Variants in CNBD1 observed in about 807,000 individuals in gnomAD.
The protein encoded by CNBD1 is cyclic nucleotide-binding domain-containing protein 1.
Under a neutral mutation model 54.4 loss-of-function variants are expected in CNBD1, and 71 were observed. The ratio of observed to expected loss-of-function variants is 1.30; its 90% CI spans 1.08 to 1.59. The LOEUF (loss-of-function observed/expected upper bound fraction) is 1.59. Ranked by LOEUF, CNBD1 falls within the 40% of genes most tolerant of loss-of-function variation. CNBD1 has a pLI of 0.00. For missense variants in CNBD1, 659 were observed against 518.0 expected (o/e 1.27, Z -2.64); for synonymous variants, 182 against 170.7 (o/e 1.07, Z -0.51).
intron 4 of CNBD1, among the ~76,000 whole-genome samples, chr8:87,082,568 T>C (rs1483017275): frequency 6.6e-6 from 1 of 152,240 alleles, no homozygotes; most frequent in Non-Finnish European, 1.5e-5. Flanking sequence ...TTGAATGGTA[T>C]AGTTTTTTTC....
intron 10 of CNBD1, among the ~76,000 whole-genome samples, chr8:87,370,874 G>C (rs1402530281): frequency 6.6e-6 from 1 of 150,958 alleles, no homozygotes; most frequent in Non-Finnish European, 1.5e-5. Flanking sequence ...TAACGTTTAA[G>C]TCTTTAGTCC....
At chr8:86,868,580 C>T (rs902236439) in intron 1 of CNBD1, among the ~76,000 whole-genome samples, 2 of 151,908 alleles carry the variant, frequency 1.3e-5, no homozygotes, top group African/African-American at 4.8e-5. Context: ...ATCTGCCCCC[C>T]TCAGCCTCCC....
intron 4 of CNBD1, among the ~76,000 whole-genome samples, chr8:87,158,203 A>C (rs1014815922): frequency 8.5e-5 from 13 of 152,108 alleles, no homozygotes; most frequent in Middle Eastern, 3.2e-3. Flanking sequence ...CTCCATACCT[A>C]GCAGCTATGA....
chr8:86,889,128 C>T (rs4291285), intron 2 of CNBD1, among the ~76,000 whole-genome samples: 70,369 of 151,772 alleles, frequency 0.46, 16,511 homozygotes, highest in South Asian at 0.55. Context: ...TTTTGGAGCA[C>T]TGGTACACAC....
intron 5 of CNBD1, among the ~76,000 whole-genome samples, chr8:87,222,242 A>G (rs2130809928): frequency 6.6e-6 from 1 of 152,286 alleles, no homozygotes; most frequent in South Asian, 2.1e-4. Context: ...ATCTTCAAAT[A>G]TTTTATAAAA....
intron 2 of CNBD1, among the ~76,000 whole-genome samples, chr8:86,892,006 T>TA (rs1040915801): frequency 3.3e-5 from 5 of 151,996 alleles, no homozygotes; most frequent in Non-Finnish European, 7.4e-5. Context: ...TGTCTGCAAA[T>TA]AGAGAGTTTC....
intron 2 of CNBD1, among the ~76,000 whole-genome samples, chr8:86,892,264 C>T (rs1038618301): frequency 1.5e-4 from 23 of 151,924 alleles, no homozygotes; most frequent in African/African-American, 5.3e-4. Context: ...TAACAAAGGT[C>T]AAATACTTAT....
intron 4 of CNBD1, among the ~76,000 whole-genome samples, chr8:87,028,861 A>G (rs1337784604): frequency 2.0e-5 from 3 of 152,232 alleles, no homozygotes; most frequent in Non-Finnish European, 2.9e-5. Context: ...CTGTTTATAT[A>G]CAAAAACCAT....
At chr8:87,424,837 C>A (rs1445142757) in intron 2 of CNBD1, among the ~76,000 whole-genome samples, 1 of 152,082 alleles carries the variant, frequency 6.6e-6, no homozygotes, top group East Asian at 1.9e-4. Context: ...TTGTGGCATT[C>A]TCTGTATTTC....
intron 2 of CNBD1, among the ~76,000 whole-genome samples, chr8:87,417,443 A>C (rs1443846149): frequency 6.6e-6 from 1 of 152,030 alleles, no homozygotes; most frequent in Non-Finnish European, 1.5e-5. Flanking sequence ...TACTGACAGA[A>C]CTGGAAATAA....
chr8:87,353,697 T>A lies in CNBD1; in HGVS notation c.1214T>A (p.Ile405Asn), dbSNP rs186699266. 1,141 of 1,610,362 alleles carry A rather than the reference T, an allele frequency of 7.1e-4. 15 individuals carry two copies. In the African/African-American group the frequency reaches 0.014, roughly 19 times the overall value. Reference sequence around the variant, plus strand: ...AAGGAGAAGGAGTCCTTTGGTGAGATTAGCGTCCTTCTTCAAGTTCCTTTC... The same window carrying A: ...AAGGAGAAGGAGTCCTTTGGTGAGAATAGCGTCCTTCTTCAAGTTCCTTTC... The part of the protein sequence containing the change: ...KLKEKESFGE[I>N]SVLLQVPFTC... The change falls in exon 10 of 11, where the codon ATT becomes AAT. Residue 405 changes from isoleucine (I) to asparagine (N), a missense_variant. Coordinates refer to ENST00000518476, the MANE Select transcript of CNBD1 (RefSeq NM_173538.3).
intron 4 of CNBD1, among the ~76,000 whole-genome samples, chr8:87,118,882 C>G (rs546466070): frequency 2.0e-5 from 3 of 152,222 alleles, no homozygotes; most frequent in African/African-American, 7.2e-5. Context: ...TTATTTTCAT[C>G]GAAATTCTTT....
intron 6 of CNBD1, among the ~76,000 whole-genome samples, chr8:87,246,238 G>A (rs1298930342): frequency 6.6e-6 from 1 of 152,008 alleles, no homozygotes; most frequent in Non-Finnish European, 1.5e-5. Flanking sequence ...TCTGGAAAAA[G>A]CTTATTTATA....
At chr8:86,872,785 C>G (rs1808459595) in intron 1 of CNBD1, among the ~76,000 whole-genome samples, 2 of 152,134 alleles carry the variant, frequency 1.3e-5, no homozygotes. Context: ...TTGCTTGTTA[C>G]TGAATTGTTT....
chr8:87,328,172 T>G (rs1353395937), intron 8 of CNBD1, among the ~76,000 whole-genome samples: 1 of 152,034 alleles, frequency 6.6e-6, no homozygotes, highest in Non-Finnish European at 1.5e-5. Context: ...GTGTGTGATG[T>G]TCCCTCCCTG....
At chr8:86,990,957 G>A (rs970480354) in intron 4 of CNBD1, among the ~76,000 whole-genome samples, 2 of 151,960 alleles carry the variant, frequency 1.3e-5, no homozygotes, top group African/African-American at 2.4e-5. Context: ...TTGTACATGG[G>A]ATTACTTTTT....
chr8:87,071,904 G>T (rs1427310903), intron 4 of CNBD1, among the ~76,000 whole-genome samples: 1 of 152,088 alleles, frequency 6.6e-6, no homozygotes, highest in Non-Finnish European at 1.5e-5. Context: ...AATATTGTCA[G>T]TGGGGTATTA....
intron 6 of CNBD1, among the ~76,000 whole-genome samples, chr8:87,268,753 C>A (rs909812642): frequency 3.9e-5 from 6 of 152,124 alleles, no homozygotes; most frequent in Non-Finnish European, 8.8e-5. Context: ...CTGTTCATGT[C>A]CTTTGCCCAT....
chr8:87,331,774 A>G (rs1169684556), intron 8 of CNBD1, among the ~76,000 whole-genome samples: 2 of 152,166 alleles, frequency 1.3e-5, no homozygotes, highest in Non-Finnish European at 2.9e-5. Flanking sequence ...ATGAAGTGGT[A>G]TCTCACTGTG....
Sources: allele counts gnomAD v4.1 joint callset (sites outside exome capture counted in the v4.1 genomes callset), GRCh38; gene constraint gnomAD v4.1.1; transcripts MANE v1.5; gene names NCBI Gene and HGNC (gene_info 2026-07-23, HGNC 2026-07-21).